The following AIG1 variants were observed in gnomAD, a reference collection of about 807,000 sequenced individuals.
AIG1 encodes the protein androgen induced 1.
Under a neutral mutation model 31.4 loss-of-function variants are expected in AIG1, and 23 were observed. That is an observed-to-expected ratio of 0.73 (90% confidence interval 0.53 to 1.04). The LOEUF (loss-of-function observed/expected upper bound fraction) is 1.04. Among genes scored for constraint, AIG1 ranks in the 50% least tolerant of loss-of-function variants. The probability of loss-of-function intolerance (pLI) is 0.00; values close to 1 mark genes in which losing one functional copy is unlikely to be tolerated. For missense variants in AIG1, 274 were observed against 295.0 expected, an observed-to-expected ratio of 0.93 and a Z score of 0.52; for synonymous variants, 100 against 110.5, an observed-to-expected ratio of 0.90 and a Z score of 0.60.
intron 3 of AIG1, among the ~76,000 whole-genome samples, chr6:143,216,930 C>T (rs561800203): frequency 6.6e-6 from 1 of 152,182 alleles, no homozygotes; most frequent in Non-Finnish European, 1.5e-5. Context: ...CTTCATTTTA[C>T]ACATGGCTGT....
intron 3 of AIG1, among the ~76,000 whole-genome samples, chr6:143,273,267 G>A (rs1040435544): frequency 4.6e-5 from 7 of 152,342 alleles, no homozygotes; most frequent in African/African-American, 7.2e-5. Context: ...TGAAAAGCAG[G>A]TGAATAACAT....
In AIG1 at chr6:143,340,904, A is replaced by G. The variant is rs562606294; in HGVS notation, c.*1228A>G. 1.4e-4 allele frequency among the ~76,000 whole-genome samples: 22 copies of G among 152,266 alleles called. No individual in the cohort carries two copies. In the South Asian group the frequency reaches 2.5e-3, roughly 17 times the overall value. The stretch of plus-strand genomic sequence containing the variant: ...GCCCAATGTTGAGAGAGATCAACAA[A>G]TGATATAAAACCATTCACTCCAAAA... On this transcript the variant is annotated 3_prime_UTR_variant, in exon 6 of 6. Coordinates refer to ENST00000357847, the MANE Select transcript of AIG1 (RefSeq NM_016108.4).
Position 143,327,561 on chromosome 6 carries a change from A to G in AIG1, c.516-5721A>G. ...TGGTTGTCCAGAAAATATTCTGAGG[A>G]TGAAGATTCACCAAATAAGCTCTAT... On this transcript the variant is annotated intron_variant, in intron 4 of 5. Transcript: ENST00000357847. The surrounding 1 kb of genome is among the most constrained non-coding windows in gnomAD (Gnocchi z 5.3). 2.7e-6 allele frequency: 1 copy of G among 376,026 alleles called. No individual in the cohort carries two copies. The highest frequency in any genetic ancestry group is 3.3e-5 in the Admixed American group (1 of 30,278). 23.3% of individuals were successfully genotyped at this position (376,026 alleles called of 1,614,324 possible). A position where few individuals can be genotyped will look rare whatever the true frequency, so the allele number is the denominator to read the frequency against.
At chr6:143,227,006 T>A (rs1793021171) in intron 3 of AIG1, among the ~76,000 whole-genome samples, 2 of 144,674 alleles carry the variant, frequency 1.4e-5, no homozygotes, top group African/African-American at 5.3e-5. Context: ...TTTTTTTTTT[T>A]AGTTCATCAG....
At position 143,238,111 on chromosome 6, in the gene AIG1, T is replaced by A. The variant is rs548836966; in HGVS notation, c.400-45999T>A. Among the ~76,000 whole-genome samples, 15 of 152,246 alleles carry A rather than the reference T, an allele frequency of 9.9e-5. No individual in the cohort carries two copies. The South Asian group carries it at 2.1e-3, about 21-fold the overall frequency. ...GCCTACCACCATGCCTGGCTAATTTTTGTATTTTTAGTAGAGACGGGGTTT... is the reference window on the plus strand; with the variant it reads ...GCCTACCACCATGCCTGGCTAATTTATGTATTTTTAGTAGAGACGGGGTTT... On this transcript the variant is annotated intron_variant, in intron 3 of 5. Transcript: ENST00000357847.
At chr6:143,169,081 A>G (rs1045650527) in intron 3 of AIG1, among the ~76,000 whole-genome samples, 4 of 151,782 alleles carry the variant, frequency 2.6e-5, no homozygotes, top group Non-Finnish European at 5.9e-5. Context: ...TACTTATCCA[A>G]TCACATATTT....
chr6:143,210,670 CT>C (rs1438100546), intron 3 of AIG1, among the ~76,000 whole-genome samples: 2 of 152,170 alleles, frequency 1.3e-5, no homozygotes, highest in African/African-American at 4.8e-5. Flanking sequence ...TACTCAGTTC[CT>C]TTCTTAGGTA....
intron 4 of AIG1, among the ~76,000 whole-genome samples, chr6:143,322,182 A>G (rs1272811617): frequency 2.0e-5 from 3 of 152,180 alleles, no homozygotes; most frequent in Admixed American, 6.5e-5. Context: ...CCAAGGAGGT[A>G]GCGAGATCAA....
At chr6:143,087,418 A>G (rs901605610) in intron 1 of AIG1, among the ~76,000 whole-genome samples, 27 of 152,212 alleles carry the variant, frequency 1.8e-4, no homozygotes, top group Non-Finnish European at 5.9e-5. Context: ...GTTCAGCTCA[A>G]TTAGGATGAA....
intron 3 of AIG1, among the ~76,000 whole-genome samples, chr6:143,169,843 C>T (rs1787322074): frequency 6.6e-6 from 1 of 152,004 alleles, no homozygotes; most frequent in Non-Finnish European, 1.5e-5. Context: ...AATACTTTTT[C>T]TGTGTCTATT....
In AIG1 at chr6:143,299,769, C is replaced by T. The variant is rs998402190; in HGVS notation, c.515+15544C>T. On this transcript the variant is annotated intron_variant, in intron 4 of 5. Coordinates refer to ENST00000357847, the MANE Select transcript of AIG1 (RefSeq NM_016108.4). This position sits in a 1 kb window ranked among gnomAD's most constrained non-coding sequence, Gnocchi z 4.1. ...CTCTGCTAAACTGCTTGTAGTTCCA[C>T]GAACTCACCTCTGGGATTTGCAGTG... Among the ~76,000 whole-genome samples, 7 of 152,138 alleles carry T rather than the reference C, an allele frequency of 4.6e-5. No individual in the cohort carries two copies. The highest frequency in any genetic ancestry group is 3.9e-4 in the East Asian group (2 of 5,190).
chr6:143,326,257 G>C lies in AIG1; in HGVS notation c.516-7025G>C, dbSNP rs1224097112. 6.6e-6 allele frequency among the ~76,000 whole-genome samples: 1 copy of C among 152,164 alleles called. No individual in the cohort carries two copies. The highest frequency in any genetic ancestry group is 1.9e-4 in the East Asian group (1 of 5,192). Reference sequence around the variant, plus strand: ...AAAATCAACCCATGGTTTGGCACCTGCCTGCTCCTTCTGCCCTCTCTTCCT... The same window carrying C: ...AAAATCAACCCATGGTTTGGCACCTCCCTGCTCCTTCTGCCCTCTCTTCCT... On this transcript the variant is annotated intron_variant, in intron 4 of 5. Coordinates refer to ENST00000357847, the MANE Select transcript of AIG1 (RefSeq NM_016108.4). This position sits in a 1 kb window ranked among gnomAD's most constrained non-coding sequence, Gnocchi z 4.5.
chr6:143,071,656 CGTGGTGGTGGTGGTA>C (rs1777272314), intron 1 of AIG1, among the ~76,000 whole-genome samples: 2 of 151,582 alleles, frequency 1.3e-5, no homozygotes, highest in Admixed American at 1.3e-4. Context: ...GATATCTCAT[CGTGGTGGTGGTGGTA>C]GTGGTGGTTC....
chr6:143,283,889 C>A (rs1189161049), intron 3 of AIG1, among the ~76,000 whole-genome samples: 2 of 152,112 alleles, frequency 1.3e-5, no homozygotes, highest in African/African-American at 4.8e-5. Context: ...GCATAAAATA[C>A]AATAAAATTT....
intron 1 of AIG1, among the ~76,000 whole-genome samples, chr6:143,124,389 C>G (rs1314167623): frequency 6.6e-6 from 1 of 152,192 alleles, no homozygotes; most frequent in African/African-American, 2.4e-5. Flanking sequence ...CAGCCCCAGC[C>G]TGTTCCGGTG....
In AIG1 at chr6:143,268,364, A is replaced by G. The variant is rs192872901; in HGVS notation, c.400-15746A>G. ...GAGCCTCGAGTCTACGGGGACCACA[A>G]CTAGATGGTCTAACGTGTGCCTTAT... is the stretch of plus-strand genomic sequence containing the variant. On this transcript the variant is annotated intron_variant, in intron 3 of 5. Coordinates refer to ENST00000357847, the MANE Select transcript of AIG1 (RefSeq NM_016108.4). This position sits in a 1 kb window ranked among gnomAD's most constrained non-coding sequence, Gnocchi z 5.0. Among the ~76,000 whole-genome samples the G allele has an allele frequency of 6.6e-6, 1 of 152,236 alleles. No individual in the cohort carries two copies. Among genetic ancestry groups the G allele is most frequent in the East Asian group, 1.9e-4 (1 of 5,182 alleles).
intron 4 of AIG1, among the ~76,000 whole-genome samples, chr6:143,296,264 A>G (rs981578838): frequency 5.3e-5 from 8 of 152,234 alleles, no homozygotes; most frequent in Non-Finnish European, 1.0e-4. Flanking sequence ...GAAACCTCAC[A>G]GACTGCGCTC....
At chr6:143,088,077 A>G (rs983165101) in intron 1 of AIG1, among the ~76,000 whole-genome samples, 10 of 152,200 alleles carry the variant, frequency 6.6e-5, no homozygotes, top group African/African-American at 2.2e-4. Flanking sequence ...TTAGGATAGA[A>G]TCGGCATGGC....
chr6:143,277,607 C>A (rs987453628), intron 3 of AIG1, among the ~76,000 whole-genome samples: 1 of 152,226 alleles, frequency 6.6e-6, no homozygotes, highest in Non-Finnish European at 1.5e-5. Context: ...TGATTTGATG[C>A]ACACATAACT....
Sources: gnomAD v4.1 joint callset for allele counts (sites outside exome capture counted in the v4.1 genomes callset) on GRCh38, gnomAD v4.1.1 for gene constraint, Gnocchi (gnomAD v3.1) non-coding constraint, MANE v1.5 for transcripts, NCBI Gene and HGNC (gene_info 2026-07-23, HGNC 2026-07-21) for gene names.